Variants in LMF1 observed in about 807,000 individuals in gnomAD.
LMF1 encodes the protein transmembrane protein 112.
Under a neutral mutation model 60.6 loss-of-function variants are expected in LMF1, and 68 were observed. That is an observed-to-expected ratio of 1.12 (90% CI 0.92 to 1.37). The LOEUF (loss-of-function observed/expected upper bound fraction) is 1.37, where lower values mean the gene tolerates loss of function less well. Among genes scored for constraint, LMF1 ranks in the 40% most tolerant of loss-of-function variants. The pLI is 0.00. For synonymous variants in LMF1, 418 were observed against 324.7 expected (o/e 1.29, Z -3.09); for missense variants, 948 against 767.2 (o/e 1.24, Z -2.78).
intron 4 of LMF1, among the ~76,000 whole-genome samples, chr16:910,436 C>T (rs1433744959): frequency 1.3e-5 from 2 of 152,148 alleles, no homozygotes; most frequent in Admixed American, 6.5e-5. Flanking sequence ...GGAGGAAGGA[C>T]GCAGCCAAGA....
At position 885,591 on chromosome 16, in the gene LMF1, C is replaced by T. The variant is rs138730878; in HGVS notation, c.730-5854G>A. On this transcript the variant is annotated intron_variant, in intron 5 of 10. Coordinates refer to ENST00000262301, the MANE Select transcript of LMF1 (RefSeq NM_022773.4). ...GCGACGAGAAGGCTGGACTGGCCACCGTCACACCAGACAAAGCACAATTCA... is the reference window on the plus strand; with the variant it reads ...GCGACGAGAAGGCTGGACTGGCCACTGTCACACCAGACAAAGCACAATTCA... Among the ~76,000 whole-genome samples the T allele has an allele frequency of 6.4e-3, 970 of 152,302 alleles. 13 individuals are homozygous for T. The highest frequency in any genetic ancestry group is 0.022 in the African/African-American group (923 of 41,558).
At chr16:948,739 G>A (rs1342180152) in intron 2 of LMF1, among the ~76,000 whole-genome samples, 2 of 120,996 alleles carry the variant, frequency 1.7e-5, no homozygotes, top group African/African-American at 6.6e-5. Flanking sequence ...GACAGAGTCA[G>A]AGACGACAGA....
At chr16:957,099 C>T (rs1204408256) in intron 1 of LMF1, among the ~76,000 whole-genome samples, 4 of 152,070 alleles carry the variant, frequency 2.6e-5, no homozygotes, top group East Asian at 1.9e-4. Context: ...TGCAGTGAGC[C>T]GAGATGGCAC....
chr16:927,163 T>C (rs1173567432), intron 3 of LMF1, among the ~76,000 whole-genome samples: 1 of 152,198 alleles, frequency 6.6e-6, no homozygotes, highest in Non-Finnish European at 1.5e-5. Flanking sequence ...CAGAAGCTGC[T>C]CAAGAGCCCT....
rs117184632 is a variant in LMF1, at chr16:879,426, A to G, written c.897+144T>C. The G allele has an allele frequency of 0.059, 58,108 of 981,034 alleles. 2,121 individuals carry two copies. Among genetic ancestry groups the G allele is most frequent in the Non-Finnish European group, 0.07 (47,899 of 681,124 alleles). The allele number at this position is 981,034 out of a possible 1,614,324, so 60.8% of individuals were successfully genotyped here. ...GGGCTGCAGTGGGGCCCGTGACACAAACGAAGGCTGGGGAGGACAGGCTGT... is the reference window on the plus strand; with the variant it reads ...GGGCTGCAGTGGGGCCCGTGACACAGACGAAGGCTGGGGAGGACAGGCTGT... On this transcript the variant is annotated intron_variant, in intron 6 of 10. Transcript: ENST00000262301.
chr16:964,890 G>A (rs1442526748), intron 1 of LMF1, among the ~76,000 whole-genome samples: 2 of 152,198 alleles, frequency 1.3e-5, no homozygotes, highest in Admixed American at 6.5e-5. Flanking sequence ...GGGGAGACGC[G>A]ATAAAACTGC....
chr16:918,633 G>A (rs1367040301), intron 3 of LMF1, among the ~76,000 whole-genome samples: 1 of 152,198 alleles, frequency 6.6e-6, no homozygotes, highest in East Asian at 1.9e-4. Context: ...CTGCGGGGAC[G>A]TTGTGCCCAC....
intron 3 of LMF1, among the ~76,000 whole-genome samples, chr16:912,362 G>C (rs1037084943): frequency 6.6e-6 from 1 of 152,102 alleles, no homozygotes; most frequent in Non-Finnish European, 1.5e-5. Context: ...GGAGGCTCGC[G>C]GGGAGCTTCC....
At chr16:972,030 C>T (rs780529355), upstream of LMF1, among the ~76,000 whole-genome samples, 3 of 152,090 alleles carry the variant, frequency 2.0e-5, no homozygotes, top group Non-Finnish European at 2.9e-5. Context: ...GGTCAAATGA[C>T]CCGTCTTTAT....
intron 5 of LMF1, among the ~76,000 whole-genome samples, chr16:880,158 C>T (rs1458149819): frequency 1.3e-5 from 2 of 152,290 alleles, no homozygotes; most frequent in Admixed American, 6.5e-5. Flanking sequence ...GCTCAGGATG[C>T]CCTTTCCCTG....
At chr16:970,161 C>T (rs1342546568) in intron 1 of LMF1, among the ~76,000 whole-genome samples, 5 of 152,232 alleles carry the variant, frequency 3.3e-5, no homozygotes, top group African/African-American at 9.6e-5. Flanking sequence ...GTCGAGAACA[C>T]TAAAGGAGAA....
At chr16:905,231 C>G (rs1301842495) in intron 4 of LMF1, 1 of 166,084 alleles carries the variant, frequency 6.0e-6, no homozygotes, top group Non-Finnish European at 1.3e-5. Flanking sequence ...TCTGCACCGC[C>G]CACAGGATGC....
intron 4 of LMF1, among the ~76,000 whole-genome samples, chr16:909,314 G>A (rs1277686404): frequency 1.3e-5 from 2 of 152,134 alleles, no homozygotes; most frequent in Non-Finnish European, 1.5e-5. Context: ...TGAACGAGAT[G>A]GAAAGAAGAG....
chr16:965,202 C>T (rs1444370295), intron 1 of LMF1, among the ~76,000 whole-genome samples: 4 of 152,226 alleles, frequency 2.6e-5, no homozygotes, highest in Non-Finnish European at 5.9e-5. Context: ...CCTAGGGCCT[C>T]GCGGAAGCCA....
intron 3 of LMF1, among the ~76,000 whole-genome samples, chr16:927,036 G>A (rs1490054907): frequency 3.9e-5 from 6 of 152,082 alleles, no homozygotes; most frequent in Non-Finnish European, 7.4e-5. Flanking sequence ...GGTCCAGAAG[G>A]GCCACTGCAC....
intron 3 of LMF1, among the ~76,000 whole-genome samples, chr16:914,636 A>ACTCC (rs1555459510): frequency 7.1e-3 from 11 of 1,544 alleles, no homozygotes; most frequent in South Asian, 0.017. Context: ...TTGGTGACAC[A>ACTCC]CTCCCTCCCT....
chr16:872,217 GGGCC>G (rs916814844), intron 6 of LMF1: 1 of 152,238 alleles, frequency 6.6e-6, no homozygotes, highest in Non-Finnish European at 1.5e-5. Context: ...GGTGGACCCT[GGGCC>G]GGCAGGACCT....
intron 2 of LMF1, among the ~76,000 whole-genome samples, chr16:943,726 C>CAAAAAAA (rs3057499): frequency 7.0e-5 from 4 of 56,810 alleles, no homozygotes; most frequent in African/African-American, 2.0e-4. Flanking sequence ...GACTCTGTCT[C>CAAAAAAA]AAAAAAAAAA....
intron 5 of LMF1, chr16:883,994 CTA>C (rs1252962110): frequency 1.3e-5 from 2 of 152,208 alleles, no homozygotes; most frequent in African/African-American, 2.4e-5. Context: ...ATGGATTTGT[CTA>C]TGTCTGCTTA....
Sources: gnomAD v4.1 joint callset for allele counts (sites outside exome capture counted in the v4.1 genomes callset) on GRCh38, gnomAD v4.1.1 for gene constraint, MANE v1.5 for transcripts, NCBI Gene and HGNC (gene_info 2026-07-23, HGNC 2026-07-21) for gene names.